Variants in LDLRAP1 observed in about 807,000 individuals in gnomAD.
The protein encoded by LDLRAP1 is low density lipoprotein receptor adapter protein 1.
Under a neutral mutation model 37.8 loss-of-function variants are expected in LDLRAP1, and 30 were observed. The observed-to-expected ratio is 0.79, with a 90% CI of 0.59 to 1.08. LDLRAP1 has a LOEUF of 1.08. LDLRAP1 is among the 50% of genes least tolerant of loss of function. LDLRAP1 has a pLI of 0.00. For synonymous variants in LDLRAP1, 156 were observed against 169.8 expected, an observed-to-expected ratio of 0.92 and a Z score of 0.63; for missense variants, 375 against 401.6, an observed-to-expected ratio of 0.93 and a Z score of 0.57.
rs2044510239 is a variant in LDLRAP1, at chr1:25,567,318, C to G, written c.*326C>G. 2.4e-6 allele frequency: 1 copy of G among 413,500 alleles called. No homozygotes were observed. Among genetic ancestry groups the G allele is most frequent in the Non-Finnish European group, 4.6e-6 (1 of 217,730 alleles). 25.6% of individuals were successfully genotyped at this position (413,500 alleles called of 1,614,324 possible). Reference sequence around the variant, plus strand: ...CCCGCTTGCTCTCCTGGAGCAAGCTCTGCCCTGGCTGTGGGTATCAGGACT... The same window carrying G: ...CCCGCTTGCTCTCCTGGAGCAAGCTGTGCCCTGGCTGTGGGTATCAGGACT... On this transcript the variant is annotated 3_prime_UTR_variant, in exon 9 of 9. Transcript: ENST00000374338.
chr1:25,578,291 C>T, the LDLRAP1 span, among the ~76,000 whole-genome samples: 103,639 of 151,482 alleles, frequency 0.68, 36,794 homozygotes, highest in Non-Finnish European at 0.8. Context: ...CAGAGGCCTA[C>T]GGCCCTCAAG....
At chr1:25,557,507 T>G in intron 4 of LDLRAP1, 1 of 579,556 alleles carries the variant, frequency 1.7e-6, no homozygotes, top group East Asian at 2.9e-5. Flanking sequence ...ATGTCCCCAG[T>G]GTGTGTCTGG....
At chr1:25,589,329 A>AAAGAAAGAAAGAAAGAAAGAAAGAAAGG in the LDLRAP1 span, among the ~76,000 whole-genome samples, 2 of 151,298 alleles carry the variant, frequency 1.3e-5, no homozygotes, top group South Asian at 4.2e-4. Context: ...AGAAAGAAAG[A>AAAGAAAGAAAGAAAGAAAGAAAGAAAGG]AATATATCAA....
At chr1:25,582,546 C>T in the LDLRAP1 span, among the ~76,000 whole-genome samples, 2 of 150,624 alleles carry the variant, frequency 1.3e-5, no homozygotes, top group Admixed American at 6.6e-5. Flanking sequence ...GATCGTGCCA[C>T]TGCACTCCAG....
chr1:25,574,690 G>C, the LDLRAP1 span, among the ~76,000 whole-genome samples: 1 of 152,150 alleles, frequency 6.6e-6, no homozygotes, highest in African/African-American at 2.4e-5. Context: ...CTGATGCAGC[G>C]AGTGTTCTGG....
intron 1 of LDLRAP1, chr1:25,553,657 G>A (rs533125729): frequency 4.3e-6 from 2 of 465,436 alleles, no homozygotes; most frequent in Non-Finnish European, 7.9e-6. Flanking sequence ...TTCGAGACCA[G>A]CTACTCGGGA....
chr1:25,584,954 C>T, the LDLRAP1 span, among the ~76,000 whole-genome samples: 3 of 152,168 alleles, frequency 2.0e-5, no homozygotes, highest in Non-Finnish European at 2.9e-5. Flanking sequence ...AGAGAATGTT[C>T]TGATCTCATC....
downstream of LDLRAP1, among the ~76,000 whole-genome samples, chr1:25,572,642 G>T (rs943162396): frequency 3.3e-5 from 5 of 152,190 alleles, no homozygotes; most frequent in Non-Finnish European, 7.3e-5. Flanking sequence ...GCAGTTAAGA[G>T]AGCTGGGATC....
At chr1:25,583,972 C>T in the LDLRAP1 span, among the ~76,000 whole-genome samples, 3 of 152,152 alleles carry the variant, frequency 2.0e-5, no homozygotes, top group Admixed American at 6.5e-5. Context: ...TGCTTCGTGT[C>T]TCCCTCTCTA....
chr1:25,564,120 T>G, intron 7 of LDLRAP1: 2 of 366,070 alleles, frequency 5.5e-6, no homozygotes, highest in South Asian at 2.3e-5. Context: ...CTACCACCCC[T>G]CCCCCTCAGC....
At chr1:25,586,248 G>A in the LDLRAP1 span, among the ~76,000 whole-genome samples, 50 of 152,060 alleles carry the variant, frequency 3.3e-4, no homozygotes, top group East Asian at 6.0e-3. This position sits in a 1 kb window ranked among gnomAD's most constrained non-coding sequence, Gnocchi z 4.3. Context: ...AAGAGAAAGC[G>A]CGACCAAGAA....
chr1:25,545,636 C>A (rs1174920245), intron 1 of LDLRAP1, among the ~76,000 whole-genome samples: 1 of 152,140 alleles, frequency 6.6e-6, no homozygotes, highest in Non-Finnish European at 1.5e-5. Context: ...GAGCACCTCT[C>A]CCCCTCCTCC....
chr1:25,586,546 ATG>A, the LDLRAP1 span, among the ~76,000 whole-genome samples: 260 of 150,074 alleles, frequency 1.7e-3, 1 homozygote, highest in South Asian at 3.4e-3. This position sits in a 1 kb window ranked among gnomAD's most constrained non-coding sequence, Gnocchi z 4.3. Flanking sequence ...GTATGTGTGC[ATG>A]TGTGTGTGTG....
the LDLRAP1 span, among the ~76,000 whole-genome samples, chr1:25,576,964 G>A: frequency 0.013 from 1,979 of 152,314 alleles, 22 homozygotes; most frequent in Middle Eastern, 0.048. Context: ...TGTACCTGCT[G>A]TCTCTAAGAG....
At chr1:25,582,726 T>A in the LDLRAP1 span, among the ~76,000 whole-genome samples, 1 of 152,154 alleles carries the variant, frequency 6.6e-6, no homozygotes, top group Non-Finnish European at 1.5e-5. Context: ...CCCATCCTTT[T>A]AAAAATAACA....
intron 4 of LDLRAP1, among the ~76,000 whole-genome samples, chr1:25,557,704 G>C (rs1332586307): frequency 2.6e-5 from 4 of 152,074 alleles, no homozygotes; most frequent in Non-Finnish European, 5.9e-5. Context: ...GGAGTGTGGA[G>C]GGCAATGGCT....
the LDLRAP1 span, among the ~76,000 whole-genome samples, chr1:25,589,571 T>C: frequency 6.6e-6 from 1 of 152,076 alleles, no homozygotes; most frequent in South Asian, 2.1e-4. Context: ...AATGAAAGAA[T>C]GGAGTAATAA....
At chr1:25,572,796 A>G (rs1328444649), downstream of LDLRAP1, among the ~76,000 whole-genome samples, 1 of 152,176 alleles carries the variant, frequency 6.6e-6, no homozygotes, top group African/African-American at 2.4e-5. Flanking sequence ...GGCTGGAGAA[A>G]GGACCTTGGT....
Position 25,554,198 on chromosome 1 carries a change from C to A in LDLRAP1, c.231+134C>A. 1 of 1,171,412 alleles carries A rather than the reference C, an allele frequency of 8.5e-7. No individual in the cohort carries two copies. The highest frequency in any genetic ancestry group is 1.2e-6 in the Non-Finnish European group (1 of 823,812). 72.6% of individuals were successfully genotyped at this position (1,171,412 alleles called of 1,614,324 possible). A position where few individuals can be genotyped will look rare whatever the true frequency, so the allele number is the denominator to read the frequency against. On this transcript the variant is annotated intron_variant, in intron 2 of 8. Transcript: ENST00000374338. The surrounding 1 kb of genome is among the most constrained non-coding windows in gnomAD (Gnocchi z 5.4). The stretch of plus-strand genomic sequence containing the variant: ...GCCCTGCCCTTCATTCTCCTTCCAT[C>A]CAGCTTTTGGGCCTTGGCAGAGGGG...
Sources: allele counts gnomAD v4.1 joint callset (sites outside exome capture counted in the v4.1 genomes callset), GRCh38; gene constraint gnomAD v4.1.1; non-coding constraint Gnocchi (gnomAD v3.1); transcripts MANE v1.5; gene names NCBI Gene and HGNC (gene_info 2026-07-23, HGNC 2026-07-21).